Variants in IL17RD observed in about 807,000 individuals in gnomAD.
IL17RD encodes the protein interleukin-17 receptor D.
Under a neutral mutation model 80.5 loss-of-function variants are expected in IL17RD, and 52 were observed. That is an observed-to-expected ratio of 0.65 (90% confidence interval 0.52 to 0.81). IL17RD has a LOEUF of 0.81. Among genes scored for constraint, IL17RD ranks in the 40% least tolerant of loss-of-function variants. IL17RD has a pLI of 0.00. For missense variants in IL17RD, 1,024 were observed against 955.1 expected (o/e 1.07, Z -0.95); for synonymous variants, 416 against 391.8 (o/e 1.06, Z -0.73).
At position 57,093,905 on chromosome 3, in the gene IL17RD, C is replaced by CA. The variant is rs1440859151; in HGVS notation, c.*2487dup. 1.3e-5 allele frequency: 2 copies of CA among 152,214 alleles called. No individual in the cohort carries two copies. The highest frequency in any genetic ancestry group is 2.9e-5 in the Non-Finnish European group (2 of 68,048). 9.4% of individuals were successfully genotyped at this position (152,214 alleles called of 1,614,324 possible). On this transcript the variant is annotated 3_prime_UTR_variant, in exon 13 of 13. Coordinates refer to ENST00000296318, the MANE Select transcript of IL17RD (RefSeq NM_017563.5). Reference sequence around the variant, plus strand: ...CTAGCACTCTACCTTCAGCTACCCGCAGGCTTCTTGGTTTTCCTGGAAACC... The same window carrying CA: ...CTAGCACTCTACCTTCAGCTACCCGCAAGGCTTCTTGGTTTTCCTGGAAACC...
intron 10 of IL17RD, 71 bp downstream of exon 10, chr3:57,102,408 T>A (rs935477521): frequency 1.3e-6 from 1 of 743,016 alleles, no homozygotes; most frequent in Non-Finnish European, 2.1e-6. Flanking sequence ...GTACTCCCAG[T>A]CTCTCTTTCT....
At chr3:57,137,439 G>A (rs528542189) in intron 1 of IL17RD, among the ~76,000 whole-genome samples, 1 of 152,290 alleles carries the variant, frequency 6.6e-6, no homozygotes, top group East Asian at 1.9e-4. Flanking sequence ...GGCCAAGGTG[G>A]CAATGGGGTA....
rs114707589 is a variant in IL17RD at position 57,128,812 on chromosome 3, C to A, written c.127-8499G>T. ...CACACACACACGCAATGCACACAAG[C>A]AAACTTTCTCCCTGGGTTTAAAAAC... On this transcript the variant is annotated intron_variant, in intron 1 of 12. Coordinates refer to ENST00000296318, the MANE Select transcript of IL17RD (RefSeq NM_017563.5). Among the ~76,000 whole-genome samples the A allele has an allele frequency of 4.8e-3, 731 of 152,254 alleles. 3 individuals carry two copies. The highest frequency in any genetic ancestry group is 0.016 in the African/African-American group (673 of 41,548).
chr3:57,094,411 C>G lies in IL17RD; in HGVS notation c.*1982G>C, dbSNP rs1449111299. On this transcript the variant is annotated 3_prime_UTR_variant, in exon 13 of 13. Coordinates refer to ENST00000296318, the MANE Select transcript of IL17RD (RefSeq NM_017563.5). ...ATTTTTTAACTAGCACTCTCTTTTT[C>G]TCTTCCATTTTCTTAAGGAGTGAGT... The G allele has an allele frequency of 2.0e-5, 3 of 152,116 alleles. No homozygotes were observed. The highest frequency in any genetic ancestry group is 4.4e-5 in the Non-Finnish European group (3 of 68,006). The allele number at this position is 152,116 out of a possible 1,614,324, so 9.4% of individuals were successfully genotyped here.
chr3:57,109,885 C>T (rs1489618923), intron 4 of IL17RD, among the ~76,000 whole-genome samples: 1 of 152,220 alleles, frequency 6.6e-6, no homozygotes, highest in Non-Finnish European at 1.5e-5. Flanking sequence ...GAACCCATGG[C>T]TTGTTAATAC....
chr3:57,133,684 G>A (rs1051553747), intron 1 of IL17RD, among the ~76,000 whole-genome samples: 1 of 152,204 alleles, frequency 6.6e-6, no homozygotes, highest in African/African-American at 2.4e-5. Context: ...CCTCTCCAAG[G>A]ATTTCTGGCA....
At chr3:57,159,084 A>G (rs1242540953) in intron 1 of IL17RD, among the ~76,000 whole-genome samples, 2 of 152,274 alleles carry the variant, frequency 1.3e-5, no homozygotes, top group East Asian at 3.8e-4. Flanking sequence ...TATATAGATA[A>G]AACACACACT....
chr3:57,140,853 C>A (rs974529856), intron 1 of IL17RD, among the ~76,000 whole-genome samples: 5 of 151,570 alleles, frequency 3.3e-5, no homozygotes. Flanking sequence ...CACTAATGAA[C>A]ATTTATTATG....
At chr3:57,103,228 C>T (rs1706878386) in intron 8 of IL17RD, 83 bp from the exon 9 acceptor site, 1 of 1,241,036 alleles carries the variant, frequency 8.1e-7, no homozygotes, top group Non-Finnish European at 1.2e-6. Context: ...TTTCATTCAT[C>T]TTTTCCATCA....
At chr3:57,115,465 C>T (rs1459760922) in intron 2 of IL17RD, among the ~76,000 whole-genome samples, 1 of 152,166 alleles carries the variant, frequency 6.6e-6, no homozygotes, top group Admixed American at 6.5e-5. Context: ...CCACATTACT[C>T]AAAAAACAGA....
intron 1 of IL17RD, among the ~76,000 whole-genome samples, chr3:57,140,887 T>C (rs1276310799): frequency 2.0e-5 from 3 of 146,420 alleles, no homozygotes; most frequent in Non-Finnish European, 4.4e-5. Context: ...GTGACTGACC[T>C]TCACACTTTT....
rs1357692945 is a variant in IL17RD at position 57,127,359 on chromosome 3, A to ATAT, written c.127-7047_127-7046insATA. Among the ~76,000 whole-genome samples the ATAT allele has an allele frequency of 6.1e-4, 45 of 74,008 alleles. 2 individuals are homozygous for ATAT. The highest frequency in any genetic ancestry group is 3.1e-3 in the African/African-American group (44 of 14,306). The allele number at this position is 74,008 out of a possible 152,430, so 48.6% of individuals were successfully genotyped here. A position where few individuals can be genotyped will look rare whatever the true frequency, so the allele number is the denominator to read the frequency against. ...ATAAAAATATATATAAATATATATA[A>ATAT]ATATAAATATATATATATAAATAAA... On this transcript the variant is annotated intron_variant, in intron 1 of 12. Transcript: ENST00000296318.
At chr3:57,125,972 C>G (rs1338877233) in intron 1 of IL17RD, among the ~76,000 whole-genome samples, 2 of 152,156 alleles carry the variant, frequency 1.3e-5, no homozygotes, top group African/African-American at 2.4e-5. Flanking sequence ...CTTGGTGTTA[C>G]ACTGATTTAT....
chr3:57,109,799 G>A (rs1707052790), intron 4 of IL17RD, 142 bp from the exon 5 acceptor site: 4 of 857,744 alleles, frequency 4.7e-6, no homozygotes, highest in African/African-American at 1.7e-5. Context: ...AGGAAGTCAG[G>A]TCTAGTTTCT....
At chr3:57,163,503 T>C (rs748171445) in intron 1 of IL17RD, among the ~76,000 whole-genome samples, 10 of 152,058 alleles carry the variant, frequency 6.6e-5, no homozygotes, top group Non-Finnish European at 8.8e-5. Context: ...CCTTGGCAAC[T>C]GCAGCAAAAC....
chr3:57,138,975 G>T (rs1375411509), intron 1 of IL17RD, among the ~76,000 whole-genome samples: 1 of 150,720 alleles, frequency 6.6e-6, no homozygotes, highest in Non-Finnish European at 1.5e-5. Context: ...GAACACTGGG[G>T]AAAGAGGGTC....
chr3:57,102,415 T>C, intron 10 of IL17RD, 64 bp downstream of exon 10: 1 of 859,428 alleles, frequency 1.2e-6, no homozygotes. Context: ...CAGTCTCTCT[T>C]TCTCTTGGCA....
Position 57,095,048 on chromosome 3 carries a change from C to T in IL17RD, c.*1345G>A, listed in dbSNP as rs1280692130. The T allele has an allele frequency of 1.3e-5, 2 of 152,590 alleles. No individual in the cohort carries two copies. Among genetic ancestry groups the T allele is most frequent in the Non-Finnish European group, 2.9e-5 (2 of 68,054 alleles). The allele number at this position is 152,590 out of a possible 1,614,324, so 9.5% of individuals were successfully genotyped here. A position where few individuals can be genotyped will look rare whatever the true frequency, so the allele number is the denominator to read the frequency against. ...AGTCCTGCCCCATCCCACCTCCCAC[C>T]TTGCCTCAGGATGTTTCTCAACATA... On this transcript the variant is annotated 3_prime_UTR_variant, in exon 13 of 13. Transcript: ENST00000296318.
intron 1 of IL17RD, among the ~76,000 whole-genome samples, chr3:57,163,817 GCGGAGGCAGAGCA>G (rs2060325343): frequency 7.6e-6 from 1 of 132,308 alleles, no homozygotes. Context: ...GGTGGCGGGG[GCGGAGGCAGAGCA>G]GGGGTCATAG....
Sources: gnomAD v4.1 joint callset for allele counts (sites outside exome capture counted in the v4.1 genomes callset) on GRCh38, gnomAD v4.1.1 for gene constraint, MANE v1.5 for transcripts, NCBI Gene and HGNC (gene_info 2026-07-23, HGNC 2026-07-21) for gene names.